Variants in SRGAP1 observed in about 807,000 individuals in gnomAD.
SRGAP1 encodes the protein SLIT-ROBO Rho GTPase-activating protein 1.
SRGAP1 carries 43 observed loss-of-function variants against 121.9 expected under a neutral mutation model. The ratio of observed to expected loss-of-function variants is 0.35; its 90% CI spans 0.28 to 0.46. The LOEUF is 0.46. Ranked by LOEUF, SRGAP1 falls within the 20% of genes least tolerant of loss-of-function variation. SRGAP1 has a pLI of 1.00. For synonymous variants in SRGAP1, 447 were observed against 485.4 expected, an observed-to-expected ratio of 0.92 and a Z score of 1.04; for missense variants, 1,102 against 1,350.9, an observed-to-expected ratio of 0.82 and a Z score of 2.89.
At position 64,158,652 on chromosome 12, in the gene SRGAP1, G is replaced by C. The variant is rs2037185214; in HGVS notation, c.*15980G>C. The stretch of plus-strand genomic sequence containing the variant: ...CCGGGCATGGTGGCGTGCACCTGTA[G>C]TCCCAGCTACTCGGGAGGCTGAGGC... On this transcript the variant is annotated 3_prime_UTR_variant, in exon 22 of 22. Transcript: ENST00000355086. 1 of 151,848 alleles carries C rather than the reference G, an allele frequency of 6.6e-6. No homozygotes were observed. Among genetic ancestry groups the C allele is most frequent in the South Asian group, 2.1e-4 (1 of 4,784 alleles). The allele number at this position is 151,848 out of a possible 1,614,324, so 9.4% of individuals were successfully genotyped here. A position where few individuals can be genotyped will look rare whatever the true frequency, so the allele number is the denominator to read the frequency against.
intron 15 of SRGAP1, among the ~76,000 whole-genome samples, chr12:64,108,457 A>G (rs2036380481): frequency 6.6e-6 from 1 of 152,242 alleles, no homozygotes; most frequent in Non-Finnish European, 1.5e-5. Context: ...GAAAAGTCAT[A>G]TAAGTAAAAT....
intron 8 of SRGAP1, among the ~76,000 whole-genome samples, chr12:64,068,602 T>C (rs1378628072): frequency 1.3e-5 from 2 of 151,948 alleles, no homozygotes; most frequent in Admixed American, 6.5e-5. Context: ...CCCAAGATGC[T>C]GGGATTACAG....
intron 5 of SRGAP1, 125 bp downstream of exon 5, chr12:64,043,097 G>T: frequency 1.4e-6 from 1 of 712,244 alleles, no homozygotes; most frequent in South Asian, 1.9e-5. Flanking sequence ...TCCTCCCATG[G>T]GAATGAGAAA....
intron 1 of SRGAP1, among the ~76,000 whole-genome samples, chr12:63,970,432 G>A (rs2032912429): frequency 6.6e-6 from 1 of 152,146 alleles, no homozygotes; most frequent in South Asian, 2.1e-4. Flanking sequence ...AAAACTTATA[G>A]GGAAGTAGAG....
At chr12:64,099,201 A>C (rs999932321) in intron 15 of SRGAP1, among the ~76,000 whole-genome samples, 1 of 152,214 alleles carries the variant, frequency 6.6e-6, no homozygotes, top group Admixed American at 6.5e-5. Context: ...TCTGCATCTC[A>C]GTTTCCTCAC....
intron 3 of SRGAP1, among the ~76,000 whole-genome samples, chr12:64,000,022 G>A (rs949897769): frequency 6.6e-6 from 1 of 152,130 alleles, no homozygotes; most frequent in African/African-American, 2.4e-5. Flanking sequence ...ATGCTGCCAG[G>A]AGGGAGTGGT....
At chr12:64,041,755 T>C (rs1315094146) in intron 4 of SRGAP1, among the ~76,000 whole-genome samples, 1 of 151,814 alleles carries the variant, frequency 6.6e-6, no homozygotes, top group East Asian at 1.9e-4. Flanking sequence ...AAGGAAGAAA[T>C]GTGTGTACAT....
At chr12:63,999,818 A>G (rs2033824394) in intron 3 of SRGAP1, among the ~76,000 whole-genome samples, 1 of 152,136 alleles carries the variant, frequency 6.6e-6, no homozygotes. Flanking sequence ...GGTCATTAAA[A>G]TCTTGGGAGT....
intron 1 of SRGAP1, among the ~76,000 whole-genome samples, chr12:63,845,635 AT>A (rs1414868489): frequency 6.6e-6 from 1 of 152,060 alleles, no homozygotes; most frequent in Non-Finnish European, 1.5e-5. Context: ...AAGGCTGATT[AT>A]TTTTACTTTC....
At chr12:64,008,392 CT>C (rs1292700422) in intron 3 of SRGAP1, among the ~76,000 whole-genome samples, 2 of 152,018 alleles carry the variant, frequency 1.3e-5, no homozygotes, top group African/African-American at 2.4e-5. Context: ...GTTTTGGTAC[CT>C]TTACTTACAT....
chr12:63,879,098 A>T (rs1208712248), intron 1 of SRGAP1: 1 of 151,988 alleles, frequency 6.6e-6, no homozygotes, highest in Non-Finnish European at 1.5e-5. Context: ...TCAATCTTTC[A>T]GTCTCACGTG....
At chr12:63,866,029 G>A (rs547644576) in intron 1 of SRGAP1, among the ~76,000 whole-genome samples, 22 of 151,114 alleles carry the variant, frequency 1.5e-4, no homozygotes, top group African/African-American at 4.9e-4. Flanking sequence ...ATTTTGCAGA[G>A]TAAGAGAAGA....
rs1366766321 is a variant in SRGAP1 at position 63,923,080 on chromosome 12, A to G, written c.68-60867A>G. 3.3e-5 allele frequency among the ~76,000 whole-genome samples: 5 copies of G among 152,226 alleles called. No homozygotes were observed. In the East Asian group the frequency reaches 5.8e-4, roughly 18 times the overall value. On this transcript the variant is annotated intron_variant, in intron 1 of 21. Coordinates refer to ENST00000355086, the MANE Select transcript of SRGAP1 (RefSeq NM_020762.4). Reference sequence around the variant, plus strand: ...ATTTTGTCACCTTTCCTACTCACCTACTTAACTCAGAAATCATATGGTGAC... The same window carrying G: ...ATTTTGTCACCTTTCCTACTCACCTGCTTAACTCAGAAATCATATGGTGAC...
intron 3 of SRGAP1, among the ~76,000 whole-genome samples, chr12:63,995,054 T>C (rs1011989243): frequency 4.6e-5 from 7 of 152,228 alleles, no homozygotes; most frequent in African/African-American, 1.7e-4. Flanking sequence ...TTAAGAACGT[T>C]AATAGAAGTA....
chr12:64,087,089 AT>A, intron 11 of SRGAP1, 63 bp downstream of exon 11: 1 of 1,242,424 alleles, frequency 8.0e-7, no homozygotes, highest in Non-Finnish European at 1.1e-6. Flanking sequence ...AGAAGCAACC[AT>A]TTCAATGCTG....
At chr12:64,075,873 A>C (rs1412293894) in intron 8 of SRGAP1, among the ~76,000 whole-genome samples, 3 of 152,048 alleles carry the variant, frequency 2.0e-5, no homozygotes, top group Non-Finnish European at 4.4e-5. Flanking sequence ...TAAGCATCCA[A>C]ACTAGTACTA....
rs977006357 is a variant in SRGAP1 at position 64,141,272 on chromosome 12, T to TA, written c.2881-1005dup. Among the ~76,000 whole-genome samples, 323 of 48,194 alleles carry TA rather than the reference T, an allele frequency of 6.7e-3. 4 individuals carry two copies. The South Asian group carries it at 0.069, about 10-fold the overall frequency. The allele number at this position is 48,194 out of a possible 152,430, so 31.6% of individuals were successfully genotyped here. A position where few individuals can be genotyped will look rare whatever the true frequency, so the allele number is the denominator to read the frequency against. ...ATGTACCCTAAAACTTAAAGTATAA[T>TA]AAAAAAAAAAAAAAAAAAGAAAAAC... On this transcript the variant is annotated intron_variant, in intron 21 of 21. Coordinates refer to ENST00000355086, the MANE Select transcript of SRGAP1 (RefSeq NM_020762.4).
intron 1 of SRGAP1, among the ~76,000 whole-genome samples, chr12:63,905,040 A>G (rs1418817774): frequency 6.6e-6 from 1 of 152,188 alleles, no homozygotes; most frequent in Non-Finnish European, 1.5e-5. Flanking sequence ...CTTCTTTTAT[A>G]TCTTTCCAGG....
chr12:64,027,777 A>G (rs190012615), intron 4 of SRGAP1, among the ~76,000 whole-genome samples: 1 of 151,834 alleles, frequency 6.6e-6, no homozygotes, highest in African/African-American at 2.4e-5. Context: ...TGTTGTTCCA[A>G]TAAAAGGAGT....
Sources: gnomAD v4.1 joint callset for allele counts (sites outside exome capture counted in the v4.1 genomes callset) on GRCh38, gnomAD v4.1.1 for gene constraint, MANE v1.5 for transcripts, NCBI Gene and HGNC (gene_info 2026-07-23, HGNC 2026-07-21) for gene names.